Variants in DOCK4 observed in about 807,000 individuals in gnomAD.
DOCK4 encodes the protein dedicator of cytokinesis protein 4.
Under a neutral mutation model 268.1 loss-of-function variants are expected in DOCK4, and 97 were observed. The observed-to-expected ratio is 0.36, with a 90% CI of 0.31 to 0.43. The LOEUF (loss-of-function observed/expected upper bound fraction) is 0.43, where lower values mean the gene tolerates loss of function less well. Among genes scored for constraint, DOCK4 ranks in the 20% least tolerant of loss-of-function variants. The probability of loss-of-function intolerance (pLI) is 1.00; values close to 1 mark genes in which losing one functional copy is unlikely to be tolerated. For missense variants in DOCK4, 2,145 were observed against 2,455.7 expected, an observed-to-expected ratio of 0.87 and a Z score of 2.67; for synonymous variants, 954 against 887.2, an observed-to-expected ratio of 1.08 and a Z score of -1.34.
At chr7:111,874,037 G>A (rs1303968424) in intron 17 of DOCK4, among the ~76,000 whole-genome samples, 1 of 152,154 alleles carries the variant, frequency 6.6e-6, no homozygotes, top group African/African-American at 2.4e-5. Flanking sequence ...TTTCCACAGA[G>A]TGAGACTCAG....
intron 35 of DOCK4, among the ~76,000 whole-genome samples, chr7:111,781,544 G>C (rs1798784750): frequency 1.3e-5 from 2 of 152,206 alleles, no homozygotes; most frequent in African/African-American, 4.8e-5. Flanking sequence ...AAACATTATG[G>C]AAGAAAGTGA....
At position 111,826,611 on chromosome 7, in the gene DOCK4, C is replaced by T. The variant is rs80335831; in HGVS notation, c.2836-4155G>A. Among the ~76,000 whole-genome samples, 331 of 152,186 alleles carry T rather than the reference C, an allele frequency of 2.2e-3. 3 individuals are homozygous for T. Among genetic ancestry groups the T allele is most frequent in the African/African-American group, 7.5e-3 (312 of 41,518 alleles). ...CACAGATGCAGCTAGAGGCCATTAT[C>T]CTAAGTGAATTAACATGGAAACAGA... On this transcript the variant is annotated intron_variant, in intron 26 of 52. Transcript: ENST00000428084.
Position 111,882,648 on chromosome 7 carries a change from T to G in DOCK4, c.1588-5462A>C, listed in dbSNP as rs1039099214. On this transcript the variant is annotated intron_variant, in intron 16 of 52. Transcript: ENST00000428084. Reference sequence around the variant, plus strand: ...TTTTTTTGAGACTGAGTTTCGCTCTTGTCACCCAGGCTGGAGTGCAATGGT... The same window carrying G: ...TTTTTTTGAGACTGAGTTTCGCTCTGGTCACCCAGGCTGGAGTGCAATGGT... Among the ~76,000 whole-genome samples the G allele has an allele frequency of 4.6e-5, 7 of 152,290 alleles. No individual in the cohort carries two copies. In the East Asian group the frequency reaches 1.3e-3, roughly 29 times the overall value.
intron 30 of DOCK4, chr7:111,807,627 C>G (rs569929247): frequency 2.0e-5 from 3 of 152,228 alleles, no homozygotes; most frequent in African/African-American, 4.8e-5. Context: ...GGCACCCCCC[C>G]ACCACGCCTG....
intron 1 of DOCK4, among the ~76,000 whole-genome samples, chr7:112,130,652 G>A (rs1395405983): frequency 6.6e-6 from 1 of 152,112 alleles, no homozygotes; most frequent in Non-Finnish European, 1.5e-5. Flanking sequence ...AAAAAAATAC[G>A]CTCTGAGTAT....
intron 1 of DOCK4, among the ~76,000 whole-genome samples, chr7:112,179,731 T>C (rs1394524726): frequency 1.3e-5 from 2 of 152,090 alleles, no homozygotes; most frequent in Non-Finnish European, 2.9e-5. Context: ...ATTAGAAATA[T>C]GGAAATAAAA....
chr7:111,870,065 C>G (rs749913227), intron 20 of DOCK4, among the ~76,000 whole-genome samples: 2 of 152,058 alleles, frequency 1.3e-5, no homozygotes, highest in African/African-American at 2.4e-5. Flanking sequence ...GCAGGCAAAA[C>G]GGGGTGGGAA....
rs1284249260 is a variant in DOCK4, at chr7:111,769,626, C to T, written c.3731G>A (p.Arg1244Gln). The change falls in exon 37 of 53, where the codon CGG becomes CAG. Residue 1244 changes from arginine (R) to glutamine (Q), a missense_variant. Coordinates refer to ENST00000428084, the MANE Select transcript of DOCK4 (RefSeq NM_001363540.2). ...GTAGGTCAGGAACTCCCTGAGGGGC[C>T]GATCAGACCATTCCAGTAGCTCGTC... ...LYDELLEWSD[R>Q]PLREFLTYPM... is the part of the protein sequence containing the mutation. 7 of 1,613,708 alleles carry T rather than the reference C, an allele frequency of 4.3e-6. No individual in the cohort carries two copies. Among genetic ancestry groups the T allele is most frequent in the Admixed American group, 3.3e-5 (2 of 59,994 alleles).
chr7:111,774,021 A>G (rs910681361), intron 36 of DOCK4, among the ~76,000 whole-genome samples: 15 of 151,890 alleles, frequency 9.9e-5, no homozygotes, highest in African/African-American at 2.2e-4. Context: ...TGTCTCAAAA[A>G]AAAAGAAAAG....
intron 1 of DOCK4, among the ~76,000 whole-genome samples, chr7:112,095,204 G>T (rs1248158305): frequency 6.6e-6 from 1 of 152,154 alleles, no homozygotes; most frequent in Non-Finnish European, 1.5e-5. Flanking sequence ...TATGAGCAAG[G>T]AGGAGTCAAA....
In DOCK4 at chr7:111,754,013, A is replaced by C. The variant is rs1424768243; in HGVS notation, c.4416+1502T>G. Among the ~76,000 whole-genome samples, 3 of 152,000 alleles carry C rather than the reference A, an allele frequency of 2.0e-5. No homozygotes were observed. The South Asian group carries it at 6.2e-4, about 31-fold the overall frequency. Reference sequence around the variant, plus strand: ...TATGACATTTCCAAGGGCTAGGACCATTGATGAGACTTCACAGGATTTAAT... The same window carrying C: ...TATGACATTTCCAAGGGCTAGGACCCTTGATGAGACTTCACAGGATTTAAT... On this transcript the variant is annotated intron_variant, in intron 42 of 52. Transcript: ENST00000428084.
At chr7:111,961,796 A>G (rs1796919608) in intron 8 of DOCK4, among the ~76,000 whole-genome samples, 1 of 152,196 alleles carries the variant, frequency 6.6e-6, no homozygotes, top group Non-Finnish European at 1.5e-5. Context: ...TGTAACGAGT[A>G]TTTTTATTCT....
chr7:111,927,149 C>T (rs770510517), intron 12 of DOCK4, among the ~76,000 whole-genome samples: 26 of 152,150 alleles, frequency 1.7e-4, no homozygotes, highest in African/African-American at 5.1e-4. Context: ...CTGAGATCTT[C>T]GAAGTGGGTA....
At position 111,952,543 on chromosome 7, in the gene DOCK4, T is replaced by C. The variant is rs989587527; in HGVS notation, c.702-6745A>G. Among the ~76,000 whole-genome samples, 7 of 152,348 alleles carry C rather than the reference T, an allele frequency of 4.6e-5. 1 individual carries two copies. Among genetic ancestry groups the C allele is most frequent in the Admixed American group, 4.6e-4 (7 of 15,310 alleles). On this transcript the variant is annotated intron_variant, in intron 8 of 52. Coordinates refer to ENST00000428084, the MANE Select transcript of DOCK4 (RefSeq NM_001363540.2). ...TGCATGGATTTATATTTATCACTTT[T>C]ATAGTTCACCTCACATAAGAAGTAA...
chr7:111,989,690 C>T (rs966658003), intron 5 of DOCK4, among the ~76,000 whole-genome samples: 4 of 152,162 alleles, frequency 2.6e-5, no homozygotes, highest in African/African-American at 9.7e-5. Context: ...CTGCTATTAT[C>T]GGGCCAGTAT....
Position 111,971,661 on chromosome 7 carries a change from C to A in DOCK4, c.701+5471G>T, listed in dbSNP as rs184462300. The A allele has an allele frequency of 3.5e-4, 82 of 236,412 alleles. 2 individuals are homozygous for A. In the Admixed American group the frequency reaches 4.6e-3, roughly 13 times the overall value. 14.6% of individuals were successfully genotyped at this position (236,412 alleles called of 1,614,324 possible). ...ATCCCCTTTGCCACAGCTTTCTTCTCAGCCTGGGCCAACAGCCTCTTCTCT... is the reference window on the plus strand; with the variant it reads ...ATCCCCTTTGCCACAGCTTTCTTCTAAGCCTGGGCCAACAGCCTCTTCTCT... On this transcript the variant is annotated intron_variant, in intron 8 of 52. Coordinates refer to ENST00000428084, the MANE Select transcript of DOCK4 (RefSeq NM_001363540.2).
At chr7:111,763,904 G>A (rs1389705317) in intron 39 of DOCK4, among the ~76,000 whole-genome samples, 1 of 152,160 alleles carries the variant, frequency 6.6e-6, no homozygotes, top group Non-Finnish European at 1.5e-5. Flanking sequence ...CTGTTGTCCA[G>A]AGTGGTCTGG....
intron 1 of DOCK4, among the ~76,000 whole-genome samples, chr7:112,183,017 G>C (rs1286636222): frequency 6.6e-6 from 1 of 152,150 alleles, no homozygotes; most frequent in Non-Finnish European, 1.5e-5. Context: ...ACTGTACACA[G>C]GGCCCAGCTA....
rs531480207 is a variant in DOCK4, at chr7:111,885,548, G to A, written c.1588-8362C>T. Among the ~76,000 whole-genome samples, 10 of 152,304 alleles carry A rather than the reference G, an allele frequency of 6.6e-5. No individual in the cohort carries two copies. In the South Asian group the frequency reaches 1.5e-3, roughly 22 times the overall value. On this transcript the variant is annotated intron_variant, in intron 16 of 52. Transcript: ENST00000428084. ...GATGTATGCTGGCAGATGGATGAGG[G>A]AAGAATTAATGAAGCCATTTGTTTT...
Sources: gnomAD v4.1 joint callset for allele counts (sites outside exome capture counted in the v4.1 genomes callset) on GRCh38, gnomAD v4.1.1 for gene constraint, MANE v1.5 for transcripts, NCBI Gene and HGNC (gene_info 2026-07-23, HGNC 2026-07-21) for gene names.